UNC45B: variants seen among roughly 807,000 people sequenced by gnomAD.
UNC45B encodes protein unc-45 homolog B.
A neutral mutation model predicts 98.7 loss-of-function variants in UNC45B; 78 were observed. The ratio of observed to expected loss-of-function variants is 0.79; its 90% CI spans 0.66 to 0.95. The LOEUF (loss-of-function observed/expected upper bound fraction) is 0.95, where lower values mean the gene tolerates loss of function less well. Ranked by LOEUF, UNC45B falls within the 40% of genes least tolerant of loss-of-function variation. The probability of loss-of-function intolerance (pLI) is 0.00; values close to 1 mark genes in which losing one functional copy is unlikely to be tolerated. For synonymous variants in UNC45B, 462 were observed against 480.4 expected (o/e 0.96, Z 0.50); for missense variants, 1,225 against 1,184.9 (o/e 1.03, Z -0.50).
chr17:35,149,150 T>A, intron 3 of UNC45B, 141 bp downstream of exon 3: 1 of 1,026,646 alleles, frequency 9.7e-7, no homozygotes, highest in East Asian at 2.5e-5. Flanking sequence ...GAGAAGGGAC[T>A]GGAAACATAT....
At chr17:35,159,576 C>G (rs2092088427) in intron 8 of UNC45B, 31 bp downstream of exon 8, 2 of 1,601,762 alleles carry the variant, frequency 1.2e-6, no homozygotes, top group African/African-American at 1.3e-5. Context: ...GGGGCTTGCT[C>G]AAGCCTTTTA....
chr17:35,174,135 A>G, intron 13 of UNC45B, 107 bp from the exon 14 acceptor site: 1 of 1,486,572 alleles, frequency 6.7e-7, no homozygotes, highest in South Asian at 1.2e-5. Flanking sequence ...TTTGGAGGCC[A>G]TTATTCAACC....
chr17:35,176,074 A>G (rs1489618260), intron 15 of UNC45B, 40 bp downstream of exon 15: 8 of 1,598,654 alleles, frequency 5.0e-6, no homozygotes, highest in Non-Finnish European at 6.9e-6. Context: ...GCCTTTGTGC[A>G]TGCTCTTTGC....
intron 2 of UNC45B, 26 bp from the exon 3 acceptor site, chr17:35,148,947 T>C: frequency 6.2e-7 from 1 of 1,613,642 alleles, no homozygotes; most frequent in South Asian, 1.1e-5. Flanking sequence ...ATTAACCGAG[T>C]CTCCTTCTCC....
At position 35,174,837 on chromosome 17, in the gene UNC45B, AAGAAAGAG is replaced by A. The variant is rs202073185; in HGVS notation, c.1958+480_1958+487del. Reference sequence around the variant, plus strand: ...CCTGTCTCTATACAAAAGAGAAATAAAGAAAGAGAGAAAGAGAGAGAGAGAGAGAAAGG... The same window carrying A: ...CCTGTCTCTATACAAAAGAGAAATAAAGAAAGAGAGAGAGAGAGAGAAAGG... On this transcript the variant is annotated intron_variant, in intron 14 of 19. Transcript: ENST00000394570. Among the ~76,000 whole-genome samples, 781 of 149,948 alleles carry A rather than the reference AAGAAAGAG, an allele frequency of 5.2e-3. 22 individuals carry two copies. In the South Asian group the frequency reaches 0.06, roughly 12 times the overall value.
chr17:35,148,577 C>T, intron 2 of UNC45B, 146 bp downstream of exon 2: 1 of 928,172 alleles, frequency 1.1e-6, no homozygotes, highest in East Asian at 2.6e-5. Context: ...CCTCCAACCC[C>T]CTGACCCATG....
At chr17:35,174,124 C>T (rs1336780793) in intron 13 of UNC45B, 118 bp from the exon 14 acceptor site, 2 of 1,424,446 alleles carry the variant, frequency 1.4e-6, no homozygotes, top group African/African-American at 2.8e-5. Context: ...CCATGGACAT[C>T]TTTGGAGGCC....
chr17:35,169,511 A>G (rs2092167013), intron 10 of UNC45B, among the ~76,000 whole-genome samples: 1 of 152,200 alleles, frequency 6.6e-6, no homozygotes. Flanking sequence ...AAGGTTCCCC[A>G]TTGAAGCTTC....
At chr17:35,157,262 T>G (rs2092069991) in intron 7 of UNC45B, among the ~76,000 whole-genome samples, 1 of 152,084 alleles carries the variant, frequency 6.6e-6, no homozygotes, top group Non-Finnish European at 1.5e-5. Context: ...TTTATTGAGA[T>G]GGAGTCTTGC....
Position 35,152,903 on chromosome 17 carries a change from A to G in UNC45B, c.392A>G (p.Gln131Arg), listed in dbSNP as rs2142532511. The G allele has an allele frequency of 6.2e-7, 1 of 1,614,098 alleles. No individual in the cohort carries two copies. Among genetic ancestry groups the G allele is most frequent in the Middle Eastern group, 1.7e-4 (1 of 6,060 alleles). ...CTCCTCTCTCCTCAGCTCCGAGTGC[A>G]GTTCTCCACAGACTCGAGGGTACAG... ...NTSIQEKLRV[Q>R]FSTDSRVQKM... The change falls in exon 5 of 20, where the codon CAG becomes CGG. Residue 131 changes from glutamine to arginine, a missense_variant. By Grantham distance (43) the Gln-to-Arg change is conservative. Transcript: ENST00000394570.
chr17:35,168,231 C>T lies in UNC45B; in HGVS notation c.1322C>T (p.Ala441Val). The T allele has an allele frequency of 6.3e-7, 1 of 1,588,952 alleles. No homozygotes were observed. The highest frequency in any genetic ancestry group is 8.6e-7 in the Non-Finnish European group (1 of 1,166,860). ...GAGCGCGAGACGGACCAGCTGGTGG[C>T]CGTGGAGGCCCTCATCCATGCCTCC... ...GSERETDQLV[A>V]VEALIHASTK... The change falls in exon 10 of 20, where the codon GCC becomes GTC. Residue 441 changes from alanine to valine, a missense_variant. Ala to Val is a moderately conservative substitution (Grantham distance 64). Transcript: ENST00000394570.
intron 2 of UNC45B, among the ~76,000 whole-genome samples, 191 bp downstream of exon 2, chr17:35,148,622 C>T (rs547235588): frequency 3.3e-5 from 5 of 152,296 alleles, no homozygotes; most frequent in Admixed American, 3.3e-4. Context: ...AGAGCAGAAT[C>T]AGCCCAATGC....
At chr17:35,168,039 C>T in intron 9 of UNC45B, 22 bp from the exon 10 acceptor site, 1 of 1,432,452 alleles carries the variant, frequency 7.0e-7, no homozygotes, top group Non-Finnish European at 9.2e-7. Context: ...GTTCTCTTGA[C>T]CACCCTTGTC....
intron 17 of UNC45B, among the ~76,000 whole-genome samples, chr17:35,179,522 T>C (rs1036255475): frequency 6.6e-6 from 1 of 152,116 alleles, no homozygotes; most frequent in African/African-American, 2.4e-5. Context: ...CAATGATAGA[T>C]TGGATTAAGA....
intron 8 of UNC45B, among the ~76,000 whole-genome samples, chr17:35,160,418 G>T (rs887264627): frequency 3.3e-5 from 5 of 152,126 alleles, no homozygotes; most frequent in Non-Finnish European, 5.9e-5. Flanking sequence ...GGGGTCCCAA[G>T]ATTTCATTTT....
intron 13 of UNC45B, among the ~76,000 whole-genome samples, chr17:35,173,997 G>A (rs1401452306): frequency 6.6e-6 from 1 of 151,854 alleles, no homozygotes; most frequent in Non-Finnish European, 1.5e-5. Context: ...ATTTTCAGTA[G>A]AGACAGGGTT....
chr17:35,160,083 A>G (rs144653060), intron 8 of UNC45B, among the ~76,000 whole-genome samples: 9 of 152,352 alleles, frequency 5.9e-5, no homozygotes, highest in Middle Eastern at 3.4e-3. Flanking sequence ...AAGGGCTTCA[A>G]TATTTCAAGG....
chr17:35,166,614 C>T (rs374610591), intron 9 of UNC45B, among the ~76,000 whole-genome samples: 273 of 152,244 alleles, frequency 1.8e-3, no homozygotes, highest in African/African-American at 6.0e-3. Context: ...TCATCAGGGG[C>T]GGGGGCTGTG....
chr17:35,149,341 G>A lies in UNC45B; in HGVS notation c.205+332G>A, dbSNP rs530271618. ...GGAACACATTTCAGGCAGGGAGAGG[G>A]AAATGTTTTCTGATTAAGCTGCCTG... On this transcript the variant is annotated intron_variant, in intron 3 of 19. Coordinates refer to ENST00000394570, the MANE Select transcript of UNC45B (RefSeq NM_001267052.2). 1.6e-4 allele frequency among the ~76,000 whole-genome samples: 24 copies of A among 152,304 alleles called. No homozygotes were observed. The South Asian group carries it at 4.4e-3, about 28-fold the overall frequency.
Sources: allele counts gnomAD v4.1 joint callset (sites outside exome capture counted in the v4.1 genomes callset), GRCh38; gene constraint gnomAD v4.1.1; transcripts MANE v1.5; gene names NCBI Gene and HGNC (gene_info 2026-07-23, HGNC 2026-07-21).